Variants in DLGAP2 observed in about 807,000 individuals in gnomAD.
DLGAP2 encodes the protein disks large-associated protein 2.
In DLGAP2, 26 loss-of-function variants were observed where a neutral mutation model predicts 100.3. That is an observed-to-expected ratio of 0.26 (90% CI 0.19 to 0.36). DLGAP2 has a LOEUF of 0.36. DLGAP2 is among the 10% of genes least tolerant of loss of function. The probability of loss-of-function intolerance (pLI) is 1.00; values close to 1 mark genes in which losing one functional copy is unlikely to be tolerated. For missense variants in DLGAP2, 1,858 were observed against 1,453.2 expected, an observed-to-expected ratio of 1.28 and a Z score of -4.53; for synonymous variants, 886 against 630.1, an observed-to-expected ratio of 1.41 and a Z score of -6.08.
At chr8:1,434,089 C>A (rs1051682242) in intron 3 of DLGAP2, among the ~76,000 whole-genome samples, 1 of 152,098 alleles carries the variant, frequency 6.6e-6, no homozygotes, top group East Asian at 1.9e-4. Context: ...GTGCTATGGG[C>A]GTGGCTGCTT....
chr8:893,373 G>C (rs1040574898), intron 1 of DLGAP2, among the ~76,000 whole-genome samples: 4 of 152,222 alleles, frequency 2.6e-5, no homozygotes, highest in African/African-American at 9.6e-5. Context: ...TGACCAATTC[G>C]ATGAGGCTGC....
At chr8:1,451,033 C>T (rs759855525) in intron 3 of DLGAP2, among the ~76,000 whole-genome samples, 53 of 152,122 alleles carry the variant, frequency 3.5e-4, no homozygotes, top group Non-Finnish European at 6.6e-4. Flanking sequence ...CACTGGCTCA[C>T]TTGGCAGAGC....
At chr8:1,186,739 C>A (rs59987561) in intron 2 of DLGAP2, among the ~76,000 whole-genome samples, 19,195 of 152,034 alleles carry the variant, frequency 0.13, 2,443 homozygotes, top group African/African-American at 0.33. Context: ...GATAATTTCA[C>A]GTCGTCGCCT....
intron 2 of DLGAP2, chr8:1,002,240 T>C (rs1274524763): frequency 6.6e-6 from 1 of 152,184 alleles, no homozygotes; most frequent in African/African-American, 2.4e-5. Flanking sequence ...AAGGCACTGC[T>C]GCACAGACGT....
chr8:788,149 G>A (rs1481527890), intron 1 of DLGAP2, among the ~76,000 whole-genome samples: 1 of 152,250 alleles, frequency 6.6e-6, no homozygotes, highest in Non-Finnish European at 1.5e-5. Context: ...GTGATGAAGT[G>A]TGGTAGAAGA....
chr8:1,064,950 G>A (rs1389543881), intron 2 of DLGAP2, among the ~76,000 whole-genome samples: 1 of 152,204 alleles, frequency 6.6e-6, no homozygotes, highest in Non-Finnish European at 1.5e-5. Context: ...ATCATGAGAG[G>A]TGTAGAAAGG....
chr8:1,306,582 C>T (rs772091881), intron 3 of DLGAP2, among the ~76,000 whole-genome samples: 8 of 152,228 alleles, frequency 5.3e-5, no homozygotes, highest in African/African-American at 7.2e-5. Context: ...CCCAAATACT[C>T]AAAACAATCT....
At chr8:773,278 A>G (rs985518781) in intron 1 of DLGAP2, among the ~76,000 whole-genome samples, 12 of 149,532 alleles carry the variant, frequency 8.0e-5, no homozygotes, top group Non-Finnish European at 1.8e-4. Context: ...CACTAATCCT[A>G]TTGGATCAGG....
At chr8:1,074,046 T>G (rs13279271) in intron 2 of DLGAP2, among the ~76,000 whole-genome samples, 1 of 135,022 alleles carries the variant, frequency 7.4e-6, no homozygotes, top group Non-Finnish European at 1.5e-5. Context: ...ATATTCAGGA[T>G]TCACTGTCAC....
chr8:1,153,746 C>T (rs1484507168), intron 2 of DLGAP2, among the ~76,000 whole-genome samples: 2 of 152,210 alleles, frequency 1.3e-5, no homozygotes, highest in Admixed American at 6.5e-5. Flanking sequence ...CTCTGCTTAG[C>T]GGCAGACATT....
intron 6 of DLGAP2, among the ~76,000 whole-genome samples, chr8:1,619,103 G>C (rs2130751665): frequency 6.6e-6 from 1 of 152,300 alleles, no homozygotes; most frequent in South Asian, 2.1e-4. Flanking sequence ...ATGTCTGTCT[G>C]ACAAAGGGCT....
At position 1,706,718 on chromosome 8, in the gene DLGAP2, T is replaced by C. The variant is rs1383785417; in HGVS notation, c.*5312T>C. 1 of 152,012 alleles carries C rather than the reference T, an allele frequency of 6.6e-6. No individual in the cohort carries two copies. The highest frequency in any genetic ancestry group is 6.6e-5 in the Admixed American group (1 of 15,250). 9.4% of individuals were successfully genotyped at this position (152,012 alleles called of 1,614,324 possible). ...TGAGGAGATAAACTAAACATTAAAA[T>C]GATGAAGGAAAAAAAATTATTTGGA... On this transcript the variant is annotated 3_prime_UTR_variant, in exon 15 of 15. Coordinates refer to ENST00000637795, the MANE Select transcript of DLGAP2 (RefSeq NM_001346810.2).
intron 3 of DLGAP2, among the ~76,000 whole-genome samples, chr8:1,484,090 C>T (rs895408028): frequency 2.0e-5 from 3 of 152,230 alleles, no homozygotes; most frequent in Non-Finnish European, 2.9e-5. Context: ...AAGCCGGCTT[C>T]CTTCCTGGGA....
chr8:767,197 G>C (rs1014348000), intron 1 of DLGAP2, among the ~76,000 whole-genome samples: 1 of 152,046 alleles, frequency 6.6e-6, no homozygotes, highest in Admixed American at 6.6e-5. Flanking sequence ...GATCCTTGTG[G>C]TCCTGCATGA....
In DLGAP2 at chr8:1,241,376, G is replaced by A. The variant is rs147255493; in HGVS notation, c.74-17475G>A. Reference sequence around the variant, plus strand: ...GCCGTGTCTAGTTCTCTCACATGGCGCCGTGTCTAGTTCTCTGTCACATGG... The same window carrying A: ...GCCGTGTCTAGTTCTCTCACATGGCACCGTGTCTAGTTCTCTGTCACATGG... On this transcript the variant is annotated intron_variant, in intron 2 of 14. Coordinates refer to ENST00000637795, the MANE Select transcript of DLGAP2 (RefSeq NM_001346810.2). 3.8e-3 allele frequency among the ~76,000 whole-genome samples: 575 copies of A among 151,084 alleles called. 15 individuals carry two copies. The East Asian group carries it at 0.057, about 15-fold the overall frequency.
rs57907915 is a variant in DLGAP2 at position 1,650,586 on chromosome 8, T to G, written c.1810+17540T>G. On this transcript the variant is annotated intron_variant, in intron 8 of 14. Coordinates refer to ENST00000637795, the MANE Select transcript of DLGAP2 (RefSeq NM_001346810.2). ...ATGAATTATTTGTCCTCTTCGGCTA[T>G]TCCAGAAAAAGATACTGGGTGCTTT... 7.4e-3 allele frequency among the ~76,000 whole-genome samples: 1,130 copies of G among 152,376 alleles called. 17 individuals carry two copies. The highest frequency in any genetic ancestry group is 0.026 in the African/African-American group (1,067 of 41,596).
chr8:1,457,975 CATATATATATAT>C (rs57897392), intron 3 of DLGAP2, among the ~76,000 whole-genome samples: 44,599 of 107,840 alleles, frequency 0.41, 8,614 homozygotes, highest in East Asian at 0.52. Context: ...GTTCTCTGAT[CATATATATATAT>C]ATATATATAT....
At chr8:1,519,512 C>A (rs943843608) in intron 4 of DLGAP2, among the ~76,000 whole-genome samples, 1 of 152,218 alleles carries the variant, frequency 6.6e-6, no homozygotes, top group African/African-American at 2.4e-5. Flanking sequence ...TATTTCCTCT[C>A]CAGGAAGAGA....
chr8:1,243,162 C>A (rs78549898), intron 2 of DLGAP2, among the ~76,000 whole-genome samples: 2 of 152,030 alleles, frequency 1.3e-5, no homozygotes, highest in Non-Finnish European at 2.9e-5. Flanking sequence ...GCAGGGCGTG[C>A]TCATGGAGCT....
Sources: gnomAD v4.1 joint callset for allele counts (sites outside exome capture counted in the v4.1 genomes callset) on GRCh38, gnomAD v4.1.1 for gene constraint, MANE v1.5 for transcripts, NCBI Gene and HGNC (gene_info 2026-07-23, HGNC 2026-07-21) for gene names.